The following KIDINS220 variants were observed in gnomAD, a reference collection of about 807,000 sequenced individuals.
The protein encoded by KIDINS220 is kinase D-interacting substrate of 220 kDa.
In KIDINS220, 63 loss-of-function variants were observed where a neutral mutation model predicts 157.6. The ratio of observed to expected loss-of-function variants is 0.40; its 90% CI spans 0.33 to 0.49. KIDINS220 has a LOEUF of 0.49. Ranked by LOEUF, KIDINS220 falls within the 20% of genes least tolerant of loss-of-function variation. The probability of loss-of-function intolerance (pLI) is 0.66; values close to 1 mark genes in which losing one functional copy is unlikely to be tolerated. For synonymous variants in KIDINS220, 732 were observed against 783.6 expected (o/e 0.93, Z 1.10); for missense variants, 1,772 against 2,171.2 (o/e 0.82, Z 3.65).
At chr2:8,774,047 T>G (rs1381222913) in intron 21 of KIDINS220, among the ~76,000 whole-genome samples, 1 of 152,134 alleles carries the variant, frequency 6.6e-6, no homozygotes, top group Non-Finnish European at 1.5e-5. Context: ...GGCTCATGCC[T>G]GTAATCCCAG....
intron 21 of KIDINS220, among the ~76,000 whole-genome samples, chr2:8,775,546 A>T (rs1670850963): frequency 6.6e-6 from 1 of 152,202 alleles, no homozygotes; most frequent in Admixed American, 6.5e-5. Context: ...GTCAAATAAG[A>T]TGAGCACTGG....
chr2:8,771,400 C>G (rs890421696), intron 21 of KIDINS220, among the ~76,000 whole-genome samples: 4 of 152,140 alleles, frequency 2.6e-5, no homozygotes, highest in Middle Eastern at 3.2e-3. Flanking sequence ...ACAACCCTGT[C>G]TATTGCTGGG....
rs755298048 is a variant in KIDINS220 at position 8,778,759 on chromosome 2, C to T, written c.2615-32G>A. ...TAATTTATCAAGACAGCATCACTTA[C>T]ACCAAAATTCTGTTGTATATGATAT... is the stretch of plus-strand genomic sequence containing the variant. On this transcript the variant is annotated intron_variant, in intron 19 of 29. Transcript: ENST00000256707. The T allele has an allele frequency of 6.9e-6, 11 of 1,596,972 alleles. No homozygotes were observed. The African/African-American group carries it at 1.3e-4, about 19-fold the overall frequency.
chr2:8,727,511 C>T (rs1009920198), downstream of KIDINS220, among the ~76,000 whole-genome samples: 1 of 152,112 alleles, frequency 6.6e-6, no homozygotes, highest in African/African-American at 2.4e-5. Context: ...CTGAGAATTC[C>T]GGGTGTAACT....
At chr2:8,808,966 C>T (rs1201882362) in intron 6 of KIDINS220, among the ~76,000 whole-genome samples, 3 of 152,140 alleles carry the variant, frequency 2.0e-5, no homozygotes, top group Non-Finnish European at 4.4e-5. Context: ...TCAGAGGTCA[C>T]CCAAATAGTT....
chr2:8,772,530 A>G (rs757169027), intron 21 of KIDINS220, among the ~76,000 whole-genome samples: 1 of 152,180 alleles, frequency 6.6e-6, no homozygotes, highest in Non-Finnish European at 1.5e-5. Flanking sequence ...TCCTAAGAAT[A>G]TATCTAGCCT....
At chr2:8,737,479 T>C (rs1057463219) in intron 26 of KIDINS220, among the ~76,000 whole-genome samples, 2 of 152,242 alleles carry the variant, frequency 1.3e-5, no homozygotes, top group Admixed American at 6.5e-5. Context: ...ACTACCTCAA[T>C]GGTTACAAGA....
chr2:8,797,202 C>T (rs138317420), intron 10 of KIDINS220, among the ~76,000 whole-genome samples: 83 of 152,292 alleles, frequency 5.5e-4, no homozygotes, highest in South Asian at 3.5e-3. Flanking sequence ...TTCTCCCCAC[C>T]GACCAACCCA....
chr2:8,774,099 C>T (rs1377563038), intron 21 of KIDINS220, among the ~76,000 whole-genome samples: 1 of 151,638 alleles, frequency 6.6e-6, no homozygotes, highest in Non-Finnish European at 1.5e-5. Context: ...AGTTCAAGAC[C>T]AGCCTGACCA....
intron 22 of KIDINS220, among the ~76,000 whole-genome samples, chr2:8,764,525 A>T (rs1669193193): frequency 1.3e-5 from 2 of 152,238 alleles, no homozygotes; most frequent in Admixed American, 1.3e-4. Context: ...CATTGCTGTG[A>T]TTTTAGCATC....
rs1663752388 is a variant in KIDINS220 at position 8,729,589 on chromosome 2, T to C, written c.*1131A>G. ...TACAGTCACAGCACTTATATAGATATATATATATATTTTACCCTTGCTTTG... is the reference window on the plus strand; with the variant it reads ...TACAGTCACAGCACTTATATAGATACATATATATATTTTACCCTTGCTTTG... On this transcript the variant is annotated 3_prime_UTR_variant, in exon 30 of 30. Coordinates refer to ENST00000256707, the MANE Select transcript of KIDINS220 (RefSeq NM_020738.4). 13 of 973,226 alleles carry C rather than the reference T, an allele frequency of 1.3e-5. No homozygotes were observed. The highest frequency in any genetic ancestry group is 1.6e-5 in the Non-Finnish European group (13 of 818,852). The allele number at this position is 973,226 out of a possible 1,614,324, so 60.3% of individuals were successfully genotyped here. A position where few individuals can be genotyped will look rare whatever the true frequency, so the allele number is the denominator to read the frequency against.
At position 8,731,356 on chromosome 2, in the gene KIDINS220, A is replaced by G. The variant is rs1417516106; in HGVS notation, c.4680T>C (p.Ala1560=). The change falls in exon 30 of 30, where the codon GCT becomes GCC. Residue 1560 remains alanine, a synonymous_variant. Transcript: ENST00000256707. This position sits in a 1 kb window ranked among gnomAD's most constrained non-coding sequence, Gnocchi z 5.2. ...ERVPKSPEHS[A]EPIRTFIKAK... ...CTTTAATGAAGGTTCTGATCGGCTC[A>G]GCACTGTGTTCTGGAGACTTCGGCA... 1.1e-5 allele frequency: 18 copies of G among 1,614,236 alleles called. No individual in the cohort carries two copies. The highest frequency in any genetic ancestry group is 1.4e-5 in the Non-Finnish European group (17 of 1,180,042).
chr2:8,756,616 G>A (rs1402304197), intron 22 of KIDINS220, among the ~76,000 whole-genome samples: 1 of 152,158 alleles, frequency 6.6e-6, no homozygotes, highest in Non-Finnish European at 1.5e-5. Flanking sequence ...AGATGGTCAG[G>A]TTCTGGTAAG....
In KIDINS220 at chr2:8,788,705, A is replaced by G. The variant is rs775304274; in HGVS notation, c.1729T>C (p.Leu577=). The G allele has an allele frequency of 8.7e-6, 14 of 1,614,214 alleles. No individual in the cohort carries two copies. In the African/African-American group the frequency reaches 9.3e-5, roughly 11 times the overall value. Residue 577 remains leucine, a synonymous_variant, in exon 15 of 30, where the codon TTG becomes CTG. Coordinates refer to ENST00000256707, the MANE Select transcript of KIDINS220 (RefSeq NM_020738.4). The part of the protein sequence containing the change: ...HIGYLELLLK[L]MFVNPPELPE... ...AACTCAGGTGGATTCACAAACATCA[A>G]TTTAAGGAGGAGTTCCAAATATCCA...
At chr2:8,782,257 A>G (rs1256591616) in intron 17 of KIDINS220, among the ~76,000 whole-genome samples, 2 of 152,140 alleles carry the variant, frequency 1.3e-5, no homozygotes, top group Non-Finnish European at 1.5e-5. Flanking sequence ...ATGAAACCAA[A>G]AGCTAGTTAG....
chr2:8,728,319 C>T (rs937617027), downstream of KIDINS220, among the ~76,000 whole-genome samples: 1 of 145,344 alleles, frequency 6.9e-6, no homozygotes, highest in African/African-American at 2.5e-5. Flanking sequence ...TGAGAGACTG[C>T]CTCAAACAAA....
intron 29 of KIDINS220, among the ~76,000 whole-genome samples, chr2:8,733,243 A>G (rs1370915983): frequency 2.6e-5 from 4 of 152,152 alleles, no homozygotes; most frequent in Non-Finnish European, 5.9e-5. Context: ...TACATGAGCT[A>G]CTTTTTTGTT....
chr2:8,819,860 A>T (rs1677657152), intron 2 of KIDINS220, among the ~76,000 whole-genome samples: 1 of 152,124 alleles, frequency 6.6e-6, no homozygotes, highest in Admixed American at 6.6e-5. Context: ...CAAAAAAGGA[A>T]GTACCAGGTT....
At chr2:8,734,370 G>A (rs1393512255) in intron 28 of KIDINS220, among the ~76,000 whole-genome samples, 1 of 152,210 alleles carries the variant, frequency 6.6e-6, no homozygotes, top group Non-Finnish European at 1.5e-5. Context: ...AGCCTGATGA[G>A]AGTTAAGGCA....
Sources: gnomAD v4.1 joint callset for allele counts (sites outside exome capture counted in the v4.1 genomes callset) on GRCh38, gnomAD v4.1.1 for gene constraint, Gnocchi (gnomAD v3.1) non-coding constraint, MANE v1.5 for transcripts, NCBI Gene and HGNC (gene_info 2026-07-23, HGNC 2026-07-21) for gene names.